The following SOBP variants were observed in gnomAD, a reference collection of about 807,000 sequenced individuals.
SOBP encodes the protein sine oculis-binding protein homolog.
A neutral mutation model predicts 53.6 loss-of-function variants in SOBP; 4 were observed. The ratio of observed to expected loss-of-function variants is 0.07; its 90% CI spans 0.04 to 0.17. The LOEUF is 0.17. Ranked by LOEUF, SOBP falls within the 10% of genes least tolerant of loss-of-function variation. SOBP has a pLI of 1.00. For synonymous variants in SOBP, 584 were observed against 522.6 expected, an observed-to-expected ratio of 1.12 and a Z score of -1.60; for missense variants, 1,088 against 1,204.7, an observed-to-expected ratio of 0.90 and a Z score of 1.43.
intron 4 of SOBP, among the ~76,000 whole-genome samples, chr6:107,533,998 C>T (rs887438168): frequency 6.6e-6 from 1 of 152,146 alleles, no homozygotes; most frequent in African/African-American, 2.4e-5. Flanking sequence ...AAGTTTTAGC[C>T]CACTTAGTTT....
At chr6:107,550,967 G>A (rs1183769790) in intron 4 of SOBP, among the ~76,000 whole-genome samples, 1 of 152,348 alleles carries the variant, frequency 6.6e-6, no homozygotes, top group South Asian at 2.1e-4. Context: ...AGGCAAAGAA[G>A]CAGAGAATCT....
At chr6:107,520,179 G>T (rs1344862067) in intron 3 of SOBP, among the ~76,000 whole-genome samples, 2 of 152,182 alleles carry the variant, frequency 1.3e-5, no homozygotes, top group Admixed American at 1.3e-4. Flanking sequence ...AAAAACAGTG[G>T]TGGCTACACA....
At chr6:107,490,791 G>T in intron 1 of SOBP, 79 bp downstream of exon 1, 3 of 1,084,040 alleles carry the variant, frequency 2.8e-6, no homozygotes, top group Non-Finnish European at 4.1e-6. Context: ...ATGGATCTGG[G>T]GGGTACCGGG....
chr6:107,627,047 G>A (rs1770492425), intron 5 of SOBP, among the ~76,000 whole-genome samples: 1 of 152,164 alleles, frequency 6.6e-6, no homozygotes. Flanking sequence ...TTGGTACCAG[G>A]CAGACCAGGT....
chr6:107,518,372 A>ACT (rs564988707), intron 3 of SOBP, among the ~76,000 whole-genome samples: 33 of 152,236 alleles, frequency 2.2e-4, no homozygotes, highest in African/African-American at 7.7e-4. Context: ...AGCAACTGGG[A>ACT]CTCTCATGCA....
Position 107,490,622 on chromosome 6 carries a change from A to G in SOBP, c.6A>G (p.Ala2=), listed in dbSNP as rs766325861. The G allele has an allele frequency of 1.9e-6, 3 of 1,603,216 alleles. No homozygotes were observed. The highest frequency in any genetic ancestry group is 2.2e-5 in the East Asian group (1 of 44,512). Residue 2 remains alanine, a synonymous_variant, in exon 1 of 7, where the codon GCA becomes GCG. Transcript: ENST00000317357. Reference sequence around the variant, plus strand: ...CAGAAACCAGACACAAAAACATGGCAGAAATGGAGAAAGAAGGGAGACCTC... The same window carrying G: ...CAGAAACCAGACACAAAAACATGGCGGAAATGGAGAAAGAAGGGAGACCTC... M[A]EMEKEGRPPE... is the part of the protein sequence containing the mutation.
chr6:107,565,841 A>T (rs1242420758), intron 4 of SOBP, among the ~76,000 whole-genome samples: 3 of 152,260 alleles, frequency 2.0e-5, no homozygotes, highest in Admixed American at 6.5e-5. Context: ...GGAAATTGGA[A>T]TGGGAAGGCA....
chr6:107,507,624 C>G (rs187122576), intron 3 of SOBP, among the ~76,000 whole-genome samples: 2 of 152,110 alleles, frequency 1.3e-5, no homozygotes, highest in East Asian at 3.9e-4. Context: ...GTTTTTTTAG[C>G]TCGTCAGCTA....
rs1217335146 is a variant in SOBP at position 107,635,833 on chromosome 6, G to A, written c.*3+364G>A. 6.6e-6 allele frequency among the ~76,000 whole-genome samples: 1 copy of A among 152,216 alleles called. No homozygotes were observed. Among genetic ancestry groups the A allele is most frequent in the African/African-American group, 2.4e-5 (1 of 41,456 alleles). On this transcript the variant is annotated intron_variant, in intron 6 of 6. Coordinates refer to ENST00000317357, the MANE Select transcript of SOBP (RefSeq NM_018013.4). The surrounding 1 kb of genome is among the most constrained non-coding windows in gnomAD (Gnocchi z 4.5). ...CTATTGGAGAAGAGGAGGATGGGGG[G>A]AGGGAGAAGAGATTAACTTGGGACA...
At chr6:107,539,238 C>T (rs1009933199) in intron 4 of SOBP, among the ~76,000 whole-genome samples, 1 of 152,180 alleles carries the variant, frequency 6.6e-6, no homozygotes, top group Non-Finnish European at 1.5e-5. Flanking sequence ...TAATTCTAAC[C>T]CATTAGCCAG....
intron 5 of SOBP, among the ~76,000 whole-genome samples, chr6:107,614,747 T>A (rs1786719534): frequency 1.3e-5 from 2 of 152,352 alleles, no homozygotes; most frequent in South Asian, 4.1e-4. Flanking sequence ...CAAGGTGTTA[T>A]GACCCTGAGG....
chr6:107,563,655 T>C (rs1442478365), intron 4 of SOBP, among the ~76,000 whole-genome samples: 2 of 152,062 alleles, frequency 1.3e-5, no homozygotes, highest in African/African-American at 2.4e-5. Context: ...AGCATTTTCA[T>C]TGTTCCTTTT....
At chr6:107,538,210 T>C (rs1329898869) in intron 4 of SOBP, among the ~76,000 whole-genome samples, 2 of 152,240 alleles carry the variant, frequency 1.3e-5, no homozygotes, top group Non-Finnish European at 2.9e-5. Context: ...TTTATTAAAG[T>C]TGAATATATC....
chr6:107,546,785 C>G (rs1306849718), intron 4 of SOBP, among the ~76,000 whole-genome samples: 2 of 152,108 alleles, frequency 1.3e-5, no homozygotes, highest in African/African-American at 4.8e-5. Flanking sequence ...TAAAAATGAC[C>G]AAATATAGCC....
intron 4 of SOBP, among the ~76,000 whole-genome samples, chr6:107,580,398 C>G (rs1442620603): frequency 6.6e-6 from 1 of 152,196 alleles, no homozygotes; most frequent in Non-Finnish European, 1.5e-5. Flanking sequence ...ACAGAACATT[C>G]CAGGCCTTGG....
At chr6:107,536,647 G>C (rs1011069463) in intron 4 of SOBP, among the ~76,000 whole-genome samples, 4 of 152,068 alleles carry the variant, frequency 2.6e-5, no homozygotes, top group African/African-American at 7.2e-5. Flanking sequence ...AACCTATATA[G>C]TATATAGGTT....
chr6:107,574,557 G>A (rs536126249), intron 4 of SOBP, among the ~76,000 whole-genome samples: 3 of 152,270 alleles, frequency 2.0e-5, no homozygotes, highest in Non-Finnish European at 2.9e-5. Context: ...AAATGAGTGA[G>A]CCCTCTGGTG....
intron 6 of SOBP, among the ~76,000 whole-genome samples, chr6:107,642,982 A>G (rs1443909521): frequency 6.6e-6 from 1 of 152,244 alleles, no homozygotes; most frequent in African/African-American, 2.4e-5. Context: ...ATTTGTAATG[A>G]TATCCTCCTT....
At chr6:107,552,291 A>G (rs1261556746) in intron 4 of SOBP, among the ~76,000 whole-genome samples, 4 of 152,204 alleles carry the variant, frequency 2.6e-5, no homozygotes, top group Non-Finnish European at 5.9e-5. Context: ...TCCTCCATTT[A>G]TAATTTAAGT....
Sources: gnomAD v4.1 joint callset for allele counts (sites outside exome capture counted in the v4.1 genomes callset) on GRCh38, gnomAD v4.1.1 for gene constraint, Gnocchi (gnomAD v3.1) non-coding constraint, MANE v1.5 for transcripts, NCBI Gene and HGNC (gene_info 2026-07-23, HGNC 2026-07-21) for gene names.